DNAH5: variants seen among roughly 807,000 people sequenced by gnomAD.
DNAH5 encodes the protein axonemal beta dynein heavy chain 5.
DNAH5 carries 372 observed loss-of-function variants against 518.2 expected under a neutral mutation model. The observed-to-expected ratio is 0.72, with a 90% CI of 0.66 to 0.78. The LOEUF (loss-of-function observed/expected upper bound fraction) is 0.78, where lower values mean the gene tolerates loss of function less well. Among genes scored for constraint, DNAH5 ranks in the 30% least tolerant of loss-of-function variants. The pLI, the probability that DNAH5 is intolerant of heterozygous loss-of-function variation, is 0.00. For synonymous variants in DNAH5, 2,039 were observed against 2,025.9 expected (o/e 1.01, Z -0.17); for missense variants, 5,523 against 5,687.0 (o/e 0.97, Z 0.93).
At chr5:13,948,567 CAT>C (rs1297149176), upstream of DNAH5, among the ~76,000 whole-genome samples, 1 of 152,022 alleles carries the variant, frequency 6.6e-6, no homozygotes, top group Admixed American at 6.6e-5. Flanking sequence ...TAGAGTGTAA[CAT>C]ATGTGAAAAA....
intron 58 of DNAH5, among the ~76,000 whole-genome samples, chr5:13,766,426 C>T (rs1752522946): frequency 6.6e-6 from 1 of 152,160 alleles, no homozygotes; most frequent in Admixed American, 6.5e-5. Flanking sequence ...GCTGTGACTT[C>T]TCTAAAAGTG....
chr5:13,881,659 A>C (rs1771696581), intron 21 of DNAH5, among the ~76,000 whole-genome samples: 1 of 152,094 alleles, frequency 6.6e-6, no homozygotes, highest in South Asian at 2.1e-4. Context: ...GACATATCAA[A>C]ATTTATTGGA....
chr5:13,713,345 C>CGACATATATATACT (rs1390370832), intron 75 of DNAH5, among the ~76,000 whole-genome samples: 1 of 114,848 alleles, frequency 8.7e-6, no homozygotes, highest in Non-Finnish European at 1.8e-5. Context: ...ATATATATAC[C>CGACATATATATACT]GACATATATA....
chr5:13,692,077 G>A lies in DNAH5; in HGVS notation c.13782C>T (p.Asp4594=). The A allele has an allele frequency of 1.2e-6, 2 of 1,614,082 alleles. No individual in the cohort carries two copies. Among genetic ancestry groups the A allele is most frequent in the Non-Finnish European group, 8.5e-7 (1 of 1,179,964 alleles). The part of the protein sequence containing the change: ...CPIYKKPVRT[D]LNYIAAVDLR... ...GATCCACAGCGGCAATGTAGTTCAA[G>A]TCCGTTCGAACTGGCTTCTTATAGA... The change falls in exon 79 of 79, where the codon GAC becomes GAT. Residue 4594 remains aspartate, a synonymous_variant. Coordinates refer to ENST00000265104, the MANE Select transcript of DNAH5 (RefSeq NM_001369.3).
At chr5:13,948,462 T>A (rs899515015), upstream of DNAH5, among the ~76,000 whole-genome samples, 1 of 152,186 alleles carries the variant, frequency 6.6e-6, no homozygotes. Context: ...AATACAGTTT[T>A]GTGAGTTCTA....
intron 3 of DNAH5, 97 bp from the exon 4 acceptor site, chr5:13,923,537 T>C (rs1777530837): frequency 1.4e-6 from 2 of 1,391,194 alleles, no homozygotes; most frequent in Admixed American, 3.8e-5. Flanking sequence ...TTGCCATTGT[T>C]GACTTGTCCA....
chr5:14,006,811 G>C (rs574207203), intron 1 of DNAH5, among the ~76,000 whole-genome samples: 1 of 152,174 alleles, frequency 6.6e-6, no homozygotes, highest in Non-Finnish European at 1.5e-5. Flanking sequence ...TGACAGGAGG[G>C]CTTGGTCTTT....
rs1194577906 is a variant in DNAH5 at position 13,840,963 on chromosome 5, C to T, written c.5652G>A (p.Val1884=). The T allele has an allele frequency of 1.9e-6, 3 of 1,614,142 alleles. No individual in the cohort carries two copies. The highest frequency in any genetic ancestry group is 4.5e-5 in the East Asian group (2 of 44,876). The change falls in exon 34 of 79, where the codon GTG becomes GTA. Residue 1884 remains valine (V), a synonymous_variant. Coordinates refer to ENST00000265104, the MANE Select transcript of DNAH5 (RefSeq NM_001369.3). ...TTRDLSSTER[V]KYETLITIHV... is the part of the protein sequence containing the mutation. The stretch of plus-strand genomic sequence containing the variant: ...GAATAGTAATCAGAGTCTCGTATTT[C>T]ACTCGTTCCGTGGAACTCAGATCCC...
chr5:13,939,256 G>C (rs978377154), intron 1 of DNAH5, among the ~76,000 whole-genome samples: 6 of 152,210 alleles, frequency 3.9e-5, no homozygotes, highest in Admixed American at 3.3e-4. Flanking sequence ...GTAATTAAGG[G>C]CTGGAACAAA....
intron 46 of DNAH5, among the ~76,000 whole-genome samples, chr5:13,808,444 G>C (rs933743324): frequency 1.3e-5 from 2 of 152,074 alleles, no homozygotes; most frequent in African/African-American, 4.8e-5. Flanking sequence ...GGTTACAGCA[G>C]CCCTAGCAAA....
chr5:13,753,841 A>G (rs1456517445), intron 62 of DNAH5, among the ~76,000 whole-genome samples: 1 of 152,132 alleles, frequency 6.6e-6, no homozygotes, highest in Non-Finnish European at 1.5e-5. Context: ...AAAACCTCAT[A>G]AGACAGAGCC....
At chr5:13,701,518 A>C (rs1742119234) in intron 76 of DNAH5, 82 bp from the exon 77 acceptor site, 1 of 1,285,990 alleles carries the variant, frequency 7.8e-7, no homozygotes, top group Non-Finnish European at 1.1e-6. Context: ...GAAAAAAAAA[A>C]AAGATGAAAT....
At chr5:13,738,082 A>C (rs1225818292) in intron 65 of DNAH5, among the ~76,000 whole-genome samples, 1 of 138,954 alleles carries the variant, frequency 7.2e-6, no homozygotes, top group Non-Finnish European at 1.6e-5. Flanking sequence ...TAAAAAATAA[A>C]ATGTTAAAAA....
intron 65 of DNAH5, among the ~76,000 whole-genome samples, chr5:13,747,662 T>C (rs1444825479): frequency 2.0e-5 from 3 of 152,252 alleles, no homozygotes; most frequent in Non-Finnish European, 2.9e-5. Context: ...TTTTCATGTG[T>C]CTGTTGGCTG....
intron 68 of DNAH5, among the ~76,000 whole-genome samples, chr5:13,732,223 A>C (rs1746680377): frequency 6.6e-6 from 1 of 152,108 alleles, no homozygotes; most frequent in Non-Finnish European, 1.5e-5. Context: ...TCAACAACTG[A>C]AATTTATTTA....
At chr5:13,739,958 T>C (rs1248748929) in intron 65 of DNAH5, among the ~76,000 whole-genome samples, 1 of 152,166 alleles carries the variant, frequency 6.6e-6, no homozygotes, top group African/African-American at 2.4e-5. Flanking sequence ...CACTTGGACA[T>C]CTAAGAGACT....
chr5:13,864,180 A>G (rs1768883082), intron 28 of DNAH5, among the ~76,000 whole-genome samples: 1 of 152,222 alleles, frequency 6.6e-6, no homozygotes, highest in South Asian at 2.1e-4. Context: ...AAATTATTTA[A>G]TAATCTGTAA....
intron 35 of DNAH5, among the ~76,000 whole-genome samples, chr5:13,835,720 C>T (rs771103159): frequency 7.6e-4 from 116 of 152,244 alleles, no homozygotes; most frequent in Non-Finnish European, 9.1e-4. Flanking sequence ...ACTGTTTTCC[C>T]CTGTTTACGT....
intron 62 of DNAH5, among the ~76,000 whole-genome samples, chr5:13,753,857 T>G (rs1334255377): frequency 6.6e-5 from 10 of 152,158 alleles, no homozygotes; most frequent in Admixed American, 6.5e-4. Context: ...GAGCCTTCAT[T>G]AAATGTGACC....
Sources: gnomAD v4.1 joint callset for allele counts (sites outside exome capture counted in the v4.1 genomes callset) on GRCh38, gnomAD v4.1.1 for gene constraint, MANE v1.5 for transcripts, NCBI Gene and HGNC (gene_info 2026-07-23, HGNC 2026-07-21) for gene names.